THTPA: variants seen among roughly 807,000 people sequenced by gnomAD.
The protein encoded by THTPA is thiamine triphosphatase.
THTPA carries 16 observed loss-of-function variants against 16.5 expected under a neutral mutation model. The observed-to-expected ratio is 0.97, with a 90% CI of 0.66 to 1.47. THTPA has a LOEUF of 1.47. Among genes scored for constraint, THTPA ranks in the 40% most tolerant of loss-of-function variants. The pLI is 0.00. For missense variants in THTPA, 281 were observed against 280.9 expected (o/e 1.00, Z 0.00); for synonymous variants, 110 against 115.5 (o/e 0.95, Z 0.30).
the THTPA span, chr14:23,534,675 G>A: frequency 2.0e-5 from 31 of 1,536,078 alleles, no homozygotes; most frequent in African/African-American, 2.7e-5. The surrounding 1 kb of genome is among the most constrained non-coding windows in gnomAD (Gnocchi z 4.5). Context: ...TGGGATCTCC[G>A]GGTGGATTTG....
At chr14:23,525,410 G>T in the THTPA span, 3 of 1,536,162 alleles carry the variant, frequency 2.0e-6, no homozygotes, top group Non-Finnish European at 2.6e-6. The surrounding 1 kb of genome is among the most constrained non-coding windows in gnomAD (Gnocchi z 5.9). Flanking sequence ...ACGGCTCAGG[G>T]CTTCAAAGGG....
At chr14:23,552,203 C>A (rs1882020845), upstream of THTPA, among the ~76,000 whole-genome samples, 1 of 152,088 alleles carries the variant, frequency 6.6e-6, no homozygotes, top group South Asian at 2.1e-4. Context: ...GCCTCCTCCA[C>A]ACGGTTACAT....
the THTPA span, chr14:23,521,191 T>C: frequency 6.6e-6 from 1 of 152,318 alleles, no homozygotes; most frequent in Non-Finnish European, 1.5e-5. Context: ...GGCAGAGGGG[T>C]TTCTGGTGGC....
the THTPA span, chr14:23,522,432 T>G: frequency 1.3e-5 from 20 of 1,536,318 alleles, no homozygotes; most frequent in Middle Eastern, 1.7e-4. Context: ...TCAGGAGGCT[T>G]TGGAGGTGCT....
the THTPA span, chr14:23,522,955 AGGAAG>A: frequency 4.9e-6 from 7 of 1,437,498 alleles, no homozygotes; most frequent in Non-Finnish European, 6.4e-6. Context: ...GAAAGGTGAA[AGGAAG>A]GATGAAGGAT....
At chr14:23,521,863 CA>C in the THTPA span, 1 of 1,492,716 alleles carries the variant, frequency 6.7e-7, no homozygotes, top group South Asian at 1.3e-5. Context: ...TGGGCGGGGC[CA>C]GGGGGTGGGG....
chr14:23,555,544 A>T (rs548214228), upstream of THTPA, among the ~76,000 whole-genome samples: 1 of 152,134 alleles, frequency 6.6e-6, no homozygotes. Flanking sequence ...TTCCTGGCCA[A>T]AATACCACTT....
At chr14:23,532,364 C>T in the THTPA span, 1 of 594,216 alleles carries the variant, frequency 1.7e-6, no homozygotes, top group South Asian at 5.0e-5. Flanking sequence ...GTCTGTTTCA[C>T]TTGTCAGAGT....
chr14:23,549,652 G>C, the THTPA span, among the ~76,000 whole-genome samples: 2 of 152,160 alleles, frequency 1.3e-5, no homozygotes, highest in African/African-American at 4.8e-5. Flanking sequence ...CTGAAGGATG[G>C]GGGGCAACCA....
At position 23,557,119 on chromosome 14, in the gene THTPA, T is replaced by C; in HGVS notation, c.362T>C (p.Phe121Ser). 1 of 1,614,136 alleles carries C rather than the reference T, an allele frequency of 6.2e-7. No individual in the cohort carries two copies. Among genetic ancestry groups the C allele is most frequent in the South Asian group, 1.1e-5 (1 of 91,082 alleles). The part of the protein sequence containing the change: ...GPLGLQEVAS[F>S]VTKRSAWKLV... ...CTGGGGCTGCAGGAAGTAGCTAGTT[T>C]TGTGACTAAGCGGAGTGCCTGGAAG... is the stretch of plus-strand genomic sequence containing the variant. The change falls in exon 1 of 2, where the codon TTT (phenylalanine) becomes TCT (serine). Residue 121 changes from phenylalanine (F) to serine (S), a missense_variant. By Grantham distance (155) the Phe-to-Ser change is radical (BLOSUM62 -2). Coordinates refer to ENST00000288014, the MANE Select transcript of THTPA (RefSeq NM_024328.6).
chr14:23,550,904 C>T, the THTPA span, among the ~76,000 whole-genome samples: 2 of 151,998 alleles, frequency 1.3e-5, no homozygotes, highest in Non-Finnish European at 2.9e-5. Flanking sequence ...GGCGGGGGGC[C>T]GCCGAGACCC....
chr14:23,560,081 G>T lies in THTPA; in HGVS notation c.*1241G>T, dbSNP rs1188127849. On this transcript the variant is annotated 3_prime_UTR_variant, in exon 2 of 2. Transcript: ENST00000288014. ...AGAGCACAGTATGGCAGTAGGTAGG[G>T]CTCAGGCAGCCCCTCTATACTCAGT... 3 of 1,453,526 alleles carry T rather than the reference G, an allele frequency of 2.1e-6. No homozygotes were observed. Among genetic ancestry groups the T allele is most frequent in the East Asian group, 2.3e-5 (1 of 43,010 alleles). The allele number at this position is 1,453,526 out of a possible 1,614,324, so 90.0% of individuals were successfully genotyped here. A position where few individuals can be genotyped will look rare whatever the true frequency, so the allele number is the denominator to read the frequency against.
At chr14:23,523,042 G>T in the THTPA span, 10 of 1,404,316 alleles carry the variant, frequency 7.1e-6, no homozygotes, top group Non-Finnish European at 8.3e-6. This position sits in a 1 kb window ranked among gnomAD's most constrained non-coding sequence, Gnocchi z 4.1. Context: ...TCCCAGCACC[G>T]GATTTCCATG....
At chr14:23,532,934 C>G in the THTPA span, 3 of 1,536,068 alleles carry the variant, frequency 2.0e-6, no homozygotes, top group African/African-American at 4.1e-5. Flanking sequence ...CAGCTCCAGG[C>G]TGTCTGTGCT....
chr14:23,521,916 G>T, the THTPA span: 6 of 1,533,166 alleles, frequency 3.9e-6, no homozygotes, highest in Non-Finnish European at 5.2e-6. Flanking sequence ...TGGGGTAAAA[G>T]AGGGAGCCCT....
chr14:23,521,793 C>T, the THTPA span: 11 of 1,222,172 alleles, frequency 9.0e-6, no homozygotes, highest in Middle Eastern at 5.7e-4. Context: ...AGGCAGGACT[C>T]TGCTGGAAGT....
At chr14:23,523,479 A>C in the THTPA span, 1 of 1,536,232 alleles carries the variant, frequency 6.5e-7, no homozygotes, top group Admixed American at 2.0e-5. This position sits in a 1 kb window ranked among gnomAD's most constrained non-coding sequence, Gnocchi z 4.1. Flanking sequence ...TAGAAATCAT[A>C]CTTGACATCA....
chr14:23,551,886 C>T (rs1881990573), upstream of THTPA, among the ~76,000 whole-genome samples: 1 of 152,162 alleles, frequency 6.6e-6, no homozygotes, highest in Admixed American at 6.5e-5. This position sits in a 1 kb window ranked among gnomAD's most constrained non-coding sequence, Gnocchi z 5.3. Flanking sequence ...GGACCCAGGG[C>T]CGGGGGCAGG....
chr14:23,527,896 C>A, the THTPA span: 29 of 1,074,882 alleles, frequency 2.7e-5, no homozygotes, highest in South Asian at 3.4e-5. Context: ...GGCCCGCCCC[C>A]ACTCCTTTTT....
Sources: gnomAD v4.1 joint callset for allele counts (sites outside exome capture counted in the v4.1 genomes callset) on GRCh38, gnomAD v4.1.1 for gene constraint, Gnocchi (gnomAD v3.1) non-coding constraint, MANE v1.5 for transcripts, NCBI Gene and HGNC (gene_info 2026-07-23, HGNC 2026-07-21) for gene names.